Variants in NOX4 observed in about 807,000 individuals in gnomAD.
NOX4 encodes the protein kidney oxidase-1.
NOX4 carries 69 observed loss-of-function variants against 87.6 expected under a neutral mutation model. The observed-to-expected ratio is 0.79, with a 90% CI of 0.65 to 0.96. The LOEUF (loss-of-function observed/expected upper bound fraction) is 0.96. Ranked by LOEUF, NOX4 falls within the 40% of genes least tolerant of loss-of-function variation. NOX4 has a pLI of 0.00. For missense variants in NOX4, 680 were observed against 681.5 expected (o/e 1.00, Z 0.02); for synonymous variants, 275 against 238.2 (o/e 1.15, Z -1.42).
intron 2 of NOX4, among the ~76,000 whole-genome samples, chr11:89,454,082 T>C (rs1945082766): frequency 6.6e-6 from 1 of 152,138 alleles, no homozygotes; most frequent in Non-Finnish European, 1.5e-5. Context: ...CAGCCTCATA[T>C]ACATTAAGGA....
At chr11:89,449,314 A>G (rs1271042786) in intron 4 of NOX4, 126 bp downstream of exon 4, 1 of 623,594 alleles carries the variant, frequency 1.6e-6, no homozygotes, top group African/African-American at 1.9e-5. Flanking sequence ...CCAAATTGTC[A>G]TCAGTGGTTG....
At chr11:89,512,073 T>A in the NOX4 span, among the ~76,000 whole-genome samples, 1 of 152,094 alleles carries the variant, frequency 6.6e-6, no homozygotes, top group Non-Finnish European at 1.5e-5. Flanking sequence ...TTGCCTTATA[T>A]ATTGCATCGT....
At chr11:89,503,507 A>G in the NOX4 span, among the ~76,000 whole-genome samples, 2 of 151,884 alleles carry the variant, frequency 1.3e-5, no homozygotes, top group Non-Finnish European at 2.9e-5. Context: ...GCTCATTAAT[A>G]CTGGACATGC....
At chr11:89,438,508 T>TAATATAA in intron 6 of NOX4, among the ~76,000 whole-genome samples, 2 of 84,406 alleles carry the variant, frequency 2.4e-5, no homozygotes, top group African/African-American at 1.3e-4. Flanking sequence ...AGCATATATA[T>TAATATAA]TATATACTAT....
chr11:89,444,067 A>G, intron 5 of NOX4, 68 bp downstream of exon 5: 1 of 1,383,042 alleles, frequency 7.2e-7, no homozygotes, highest in Non-Finnish European at 1.0e-6. Context: ...TTTCAGGGAA[A>G]AATCACAGAC....
At chr11:89,480,638 C>G (rs1160904458) in intron 2 of NOX4, among the ~76,000 whole-genome samples, 1 of 152,022 alleles carries the variant, frequency 6.6e-6, no homozygotes, top group Non-Finnish European at 1.5e-5. Flanking sequence ...GCGCAAATTG[C>G]TTACAAATTC....
chr11:89,337,629 C>T, intron 15 of NOX4, 114 bp from the exon 16 acceptor site: 1 of 1,405,184 alleles, frequency 7.1e-7, no homozygotes, highest in Non-Finnish European at 9.7e-7. Flanking sequence ...TTATCATAGT[C>T]AATATCTATA....
chr11:89,399,430 T>TAA (rs1202228025), intron 11 of NOX4, among the ~76,000 whole-genome samples: 1 of 84,046 alleles, frequency 1.2e-5, no homozygotes, highest in Non-Finnish European at 2.2e-5. Flanking sequence ...TTCAAGAAAT[T>TAA]AAATATATAT....
Position 89,467,378 on chromosome 11 carries a change from T to A in NOX4, c.154-15483A>T, listed in dbSNP as rs111371373. 1.3e-3 allele frequency among the ~76,000 whole-genome samples: 178 copies of A among 137,962 alleles called. 1 individual carries two copies. Among genetic ancestry groups the A allele is most frequent in the African/African-American group, 3.6e-3 (122 of 34,326 alleles). The allele number at this position is 137,962 out of a possible 152,430, so 90.5% of individuals were successfully genotyped here. A position where few individuals can be genotyped will look rare whatever the true frequency, so the allele number is the denominator to read the frequency against. On this transcript the variant is annotated intron_variant, in intron 2 of 17. Transcript: ENST00000263317. ...AAAAAAAAAAAAAAAAAAAAAAAAA[T>A]TTGTCTTTATCTTTTTATTTTATTT...
At chr11:89,433,686 T>C (rs1434145682) in intron 6 of NOX4, among the ~76,000 whole-genome samples, 1 of 152,108 alleles carries the variant, frequency 6.6e-6, no homozygotes, top group Non-Finnish European at 1.5e-5. Flanking sequence ...TTAAAAATAC[T>C]TGCAGACATA....
At chr11:89,438,987 A>G (rs1236852405) in intron 6 of NOX4, among the ~76,000 whole-genome samples, 40 of 105,792 alleles carry the variant, frequency 3.8e-4, no homozygotes, top group African/African-American at 1.3e-3. Context: ...TATATATTAT[A>G]TTATTAATAT....
In NOX4 at chr11:89,354,562, C is replaced by T. The variant is rs191013253; in HGVS notation, c.1217+400G>A. Among the ~76,000 whole-genome samples the T allele has an allele frequency of 2.5e-4, 38 of 152,186 alleles. 1 individual carries two copies. The South Asian group carries it at 5.2e-3, about 21-fold the overall frequency. ...ATTGTCAAAAATCATATCTAGCCCACGGCTATTTTGAAAATGACTTGCTAC... is the reference window on the plus strand; with the variant it reads ...ATTGTCAAAAATCATATCTAGCCCATGGCTATTTTGAAAATGACTTGCTAC... On this transcript the variant is annotated intron_variant, in intron 13 of 17. Coordinates refer to ENST00000263317, the MANE Select transcript of NOX4 (RefSeq NM_016931.5).
At chr11:89,584,396 T>C in the NOX4 span, among the ~76,000 whole-genome samples, 2 of 152,300 alleles carry the variant, frequency 1.3e-5, no homozygotes, top group South Asian at 4.1e-4. Context: ...TTTACCAGTT[T>C]TGCACCATAA....
the NOX4 span, among the ~76,000 whole-genome samples, chr11:89,580,704 A>G: frequency 1.3e-5 from 2 of 152,198 alleles, no homozygotes; most frequent in African/African-American, 4.8e-5. Flanking sequence ...AGTGCTTATC[A>G]TATATTAGGC....
Position 89,400,074 on chromosome 11 carries a change from AAT to A in NOX4, c.1015_1016del (p.Ile339TyrfsTer23). On this transcript the variant is annotated frameshift_variant, in exon 11 of 18. Coordinates refer to ENST00000263317, the MANE Select transcript of NOX4 (RefSeq NM_016931.5). LOFTEE classifies it high-confidence loss of function. The stretch of plus-strand genomic sequence containing the variant: ...CAGATACACTGGGACAATGTAGAGT[AAT>A]ATACTAAAAAGCAACAAACAGATAA... ...ENFKARPGQYITLHCPSVSAL... is the reference protein window; with the variant it reads ...ENFKARPGQYXTLHCPSVSAL... 1 of 1,602,614 alleles carries A rather than the reference AAT, an allele frequency of 6.2e-7. No homozygotes were observed. Among genetic ancestry groups the A allele is most frequent in the Non-Finnish European group, 8.5e-7 (1 of 1,171,574 alleles).
At chr11:89,351,185 A>G (rs866604378) in intron 13 of NOX4, among the ~76,000 whole-genome samples, 1 of 151,696 alleles carries the variant, frequency 6.6e-6, no homozygotes, top group Non-Finnish European at 1.5e-5. Context: ...GGATGATTAA[A>G]CCAGCCACAA....
the NOX4 span, chr11:89,545,248 C>T: frequency 2.0e-5 from 3 of 152,050 alleles, no homozygotes; most frequent in African/African-American, 7.2e-5. Flanking sequence ...GCTTTGACTA[C>T]GATTGTGAAA....
the NOX4 span, among the ~76,000 whole-genome samples, chr11:89,507,441 C>T: frequency 2.8e-4 from 42 of 150,886 alleles, no homozygotes; most frequent in South Asian, 8.6e-3. Flanking sequence ...ATACACAATA[C>T]ACATAATATA....
intron 13 of NOX4, among the ~76,000 whole-genome samples, chr11:89,354,125 A>G (rs1937797182): frequency 6.6e-6 from 1 of 152,232 alleles, no homozygotes; most frequent in Non-Finnish European, 1.5e-5. Context: ...CGATGAAAGA[A>G]TTTGGCATAG....
Sources: allele counts gnomAD v4.1 joint callset (sites outside exome capture counted in the v4.1 genomes callset), GRCh38; gene constraint gnomAD v4.1.1; transcripts MANE v1.5; gene names NCBI Gene and HGNC (gene_info 2026-07-23, HGNC 2026-07-21).